CHD1L: variants seen among roughly 807,000 people sequenced by gnomAD.
The protein encoded by CHD1L is ATP-dependent chromatin remodeler CHD1L.
CHD1L carries 118 observed loss-of-function variants against 115.9 expected under a neutral mutation model. The ratio of observed to expected loss-of-function variants is 1.02; its 90% CI spans 0.88 to 1.19. CHD1L has a LOEUF of 1.19. Among genes scored for constraint, CHD1L ranks in the 50% most tolerant of loss-of-function variants. The probability of loss-of-function intolerance (pLI) is 0.00; values close to 1 mark genes in which losing one functional copy is unlikely to be tolerated. For synonymous variants in CHD1L, 411 were observed against 387.1 expected, an observed-to-expected ratio of 1.06 and a Z score of -0.72; for missense variants, 1,179 against 1,065.3, an observed-to-expected ratio of 1.11 and a Z score of -1.49.
At chr1:147,276,576 TCAATAA>T (rs1278323506) in intron 14 of CHD1L, among the ~76,000 whole-genome samples, 1 of 152,216 alleles carries the variant, frequency 6.6e-6, no homozygotes, top group Non-Finnish European at 1.5e-5. Flanking sequence ...AATAAAGAAC[TCAATAA>T]CAATTAATTC....
intron 14 of CHD1L, among the ~76,000 whole-genome samples, chr1:147,279,546 G>A (rs1295752275): frequency 2.0e-5 from 3 of 152,112 alleles, no homozygotes; most frequent in African/African-American, 7.2e-5. Flanking sequence ...CACTGTGTTA[G>A]GAAAACAAAT....
chr1:147,224,990 T>A, the CHD1L span: 1 of 1,613,890 alleles, frequency 6.2e-7, no homozygotes, highest in Admixed American at 1.7e-5. Context: ...GAGAGCCCGC[T>A]CACTCCTCCC....
At chr1:147,194,836 C>T in the CHD1L span, among the ~76,000 whole-genome samples, 27 of 151,974 alleles carry the variant, frequency 1.8e-4, no homozygotes, top group African/African-American at 6.3e-4. Context: ...AATATTGGCC[C>T]CCACTCTCTT....
chr1:147,225,728 C>T, the CHD1L span: 1 of 152,332 alleles, frequency 6.6e-6, no homozygotes, highest in Non-Finnish European at 1.5e-5. Flanking sequence ...TGAACACCTA[C>T]CTTTCAGGTG....
the CHD1L span, among the ~76,000 whole-genome samples, chr1:147,190,814 G>A: frequency 7.8e-4 from 119 of 151,878 alleles, no homozygotes; most frequent in Non-Finnish European, 1.4e-3. Flanking sequence ...GGTATATCTC[G>A]TAATGCTATC....
At chr1:147,175,325 A>G in the CHD1L span, 238 of 152,316 alleles carry the variant, frequency 1.6e-3, no homozygotes, top group African/African-American at 5.1e-3. Context: ...CACAAACCCT[A>G]AAATGGAAAA....
intron 20 of CHD1L, among the ~76,000 whole-genome samples, 165 bp from the exon 21 acceptor site, chr1:147,293,443 G>A (rs1686345459): frequency 6.6e-6 from 1 of 152,170 alleles, no homozygotes; most frequent in African/African-American, 2.4e-5. Flanking sequence ...GACGGGATAT[G>A]AAGTCATACA....
At chr1:147,254,825 A>C (rs587679276) in intron 2 of CHD1L, 45 bp from the exon 3 acceptor site, 4 of 1,383,578 alleles carry the variant, frequency 2.9e-6, no homozygotes, top group South Asian at 1.4e-5. Context: ...GTTGTTTCTC[A>C]TGGGGAAATG....
the CHD1L span, among the ~76,000 whole-genome samples, chr1:147,195,377 C>T: frequency 6.6e-6 from 1 of 152,190 alleles, no homozygotes; most frequent in South Asian, 2.1e-4. Context: ...AGATGATCCA[C>T]CCGTCTCTGC....
At chr1:147,215,904 T>A in the CHD1L span, 1 of 1,612,594 alleles carries the variant, frequency 6.2e-7, no homozygotes, top group Non-Finnish European at 8.5e-7. Flanking sequence ...TGATGATCAC[T>A]GATTTGTAAA....
intron 19 of CHD1L, among the ~76,000 whole-genome samples, chr1:147,290,025 A>C (rs1559900410): frequency 6.6e-6 from 1 of 152,238 alleles, no homozygotes; most frequent in South Asian, 2.1e-4. Flanking sequence ...CTGAACAAAA[A>C]GTTCAAACTG....
At chr1:147,233,132 G>C in the CHD1L span, among the ~76,000 whole-genome samples, 1 of 151,898 alleles carries the variant, frequency 6.6e-6, no homozygotes, top group Non-Finnish European at 1.5e-5. Context: ...GATGTGAGGA[G>C]CGCCTCTGCC....
At chr1:147,248,252 G>A (rs1553934718) in intron 1 of CHD1L, among the ~76,000 whole-genome samples, 1 of 150,686 alleles carries the variant, frequency 6.6e-6, no homozygotes, top group Admixed American at 6.6e-5. Flanking sequence ...TTGTTGCCCA[G>A]GCTGGAGTGC....
chr1:147,274,093 C>T (rs781922238), intron 12 of CHD1L, among the ~76,000 whole-genome samples: 2 of 152,164 alleles, frequency 1.3e-5, no homozygotes, highest in African/African-American at 2.4e-5. Flanking sequence ...GATAAAAGCA[C>T]GGGCTCTGGA....
In CHD1L at chr1:147,267,494, G is replaced by C. The variant is rs1674408003; in HGVS notation, c.964G>C (p.Val322Leu). 6.2e-7 allele frequency: 1 copy of C among 1,612,324 alleles called. No individual in the cohort carries two copies. The change falls in exon 9 of 23, where the codon GTG becomes CTG. Residue 322 changes from valine to leucine, a missense_variant. Val to Leu is a conservative substitution (Grantham distance 32). Transcript: ENST00000369258. ...CATTTTGTCCCAGCTTCGAAAGTGT[G>C]TGGATCACCCATATTTGTTTGATGG... The part of the protein sequence containing the change: ...QNILSQLRKC[V>L]DHPYLFDGVE...
chr1:147,224,018 G>A, the CHD1L span: 1 of 421,378 alleles, frequency 2.4e-6, no homozygotes, highest in South Asian at 1.7e-5. Context: ...TCAGCTGGTG[G>A]TGATTGCACA....
chr1:147,228,009 C>CTT, the CHD1L span, among the ~76,000 whole-genome samples: 64,041 of 148,386 alleles, frequency 0.43, 14,702 homozygotes, highest in East Asian at 0.6. Context: ...ATGGAGGCCA[C>CTT]TTTTTTTTTT....
At chr1:147,281,573 C>T (rs587748356) in intron 15 of CHD1L, among the ~76,000 whole-genome samples, 6 of 152,144 alleles carry the variant, frequency 3.9e-5, no homozygotes, top group South Asian at 2.1e-4. Context: ...GTTTTATCTT[C>T]GAAATTCTTT....
At chr1:147,240,425 T>G (rs587683462), upstream of CHD1L, among the ~76,000 whole-genome samples, 152,302 of 152,360 alleles carry the variant, frequency 1, 76,122 homozygotes, top group Middle Eastern at 1. Flanking sequence ...GGAAAGCCAG[T>G]TATTGTCCAA....
Sources: allele counts gnomAD v4.1 joint callset (sites outside exome capture counted in the v4.1 genomes callset), GRCh38; gene constraint gnomAD v4.1.1; transcripts MANE v1.5; gene names NCBI Gene and HGNC (gene_info 2026-07-23, HGNC 2026-07-21).